The following CIB2 variants were observed in gnomAD, a reference collection of about 807,000 sequenced individuals.
CIB2 encodes calcium and integrin binding family member 2.
In CIB2, 19 loss-of-function variants were observed where a neutral mutation model predicts 23.1. That is an observed-to-expected ratio of 0.82 (90% CI 0.57 to 1.21). The LOEUF is 1.21. CIB2 is among the 50% of genes most tolerant of loss of function. The pLI is 0.00. For missense variants in CIB2, 220 were observed against 241.5 expected, an observed-to-expected ratio of 0.91 and a Z score of 0.59; for synonymous variants, 94 against 91.7, an observed-to-expected ratio of 1.03 and a Z score of -0.14.
intron 1 of CIB2, 132 bp from the exon 2 acceptor site, chr15:78,123,871 C>T (rs979923189): frequency 3.7e-5 from 37 of 1,005,042 alleles, no homozygotes; most frequent in Non-Finnish European, 5.2e-5. Flanking sequence ...CTATCCCTTT[C>T]CACCTTGCCC....
Position 78,109,286 on chromosome 15 carries a change from A to G in CIB2, c.295T>C (p.Cys99Arg). 2 of 1,608,110 alleles carry G rather than the reference A, an allele frequency of 1.2e-6. No homozygotes were observed. The highest frequency in any genetic ancestry group is 2.2e-5 in the South Asian group (2 of 90,928). ...NDFVDMFSVL[C>R]ESAPRELKAN... ...TTGAGCTCTCGGGGAGCCGACTCGC[A>G]GAGCACGGAAAACATGTCCACAAAG... is the stretch of plus-strand genomic sequence containing the variant. Residue 99 changes from cysteine to arginine, a missense_variant, in exon 4 of 6, where the codon TGC (cysteine) becomes CGC (arginine). Coordinates refer to ENST00000258930, the MANE Select transcript of CIB2 (RefSeq NM_006383.4).
rs146233491 is a variant in CIB2 at position 78,121,632 on chromosome 15, C to T, written c.86+2073G>A. 9.8e-4 allele frequency among the ~76,000 whole-genome samples: 150 copies of T among 152,304 alleles called. 1 individual carries two copies. In the East Asian group the frequency reaches 0.023, roughly 23 times the overall value. On this transcript the variant is annotated intron_variant, in intron 2 of 5. Coordinates refer to ENST00000258930, the MANE Select transcript of CIB2 (RefSeq NM_006383.4). Reference sequence around the variant, plus strand: ...GATGGTTTTATAAGGGGCTTCTCCCCCTTTGCCCAGCACTTCTCTTTCCTG... The same window carrying T: ...GATGGTTTTATAAGGGGCTTCTCCCTCTTTGCCCAGCACTTCTCTTTCCTG...
intron 2 of CIB2, chr15:78,120,546 A>G (rs912553304): frequency 1.0e-6 from 1 of 985,308 alleles, no homozygotes; most frequent in Non-Finnish European, 1.2e-6. Context: ...GCACAAGGGA[A>G]GTTGAAGTGC....
intron 4 of CIB2, 22 bp downstream of exon 4, chr15:78,109,213 C>A: frequency 9.1e-7 from 1 of 1,101,782 alleles, no homozygotes; most frequent in South Asian, 1.3e-5. Flanking sequence ...ATATTCAGGC[C>A]CCCTCCTCTA....
chr15:78,105,336 G>A lies in CIB2; in HGVS notation c.543-4C>T. 6.2e-7 allele frequency: 1 copy of A among 1,613,988 alleles called. No individual in the cohort carries two copies. Among genetic ancestry groups the A allele is most frequent in the Non-Finnish European group, 8.5e-7 (1 of 1,179,928 alleles). On this transcript the variant is annotated splice_region_variant and splice_polypyrimidine_tract_variant and intron_variant, in intron 5 of 5. Transcript: ENST00000258930. ...TCAGATCCGGATGTGGAAAGTGCTA[G>A]AAAGAGAGAAAGGGCAAGAGAGGGT...
intron 2 of CIB2, 139 bp from the exon 3 acceptor site, chr15:78,111,415 T>C (rs1317205987): frequency 3.1e-6 from 2 of 646,866 alleles, no homozygotes; most frequent in South Asian, 1.9e-5. Context: ...GGAGGCTCTC[T>C]GCTCTGCCCA....
At chr15:78,111,742 A>T (rs535237227) in intron 2 of CIB2, among the ~76,000 whole-genome samples, 1 of 152,292 alleles carries the variant, frequency 6.6e-6, no homozygotes, top group East Asian at 1.9e-4. Flanking sequence ...TGATTTGTCT[A>T]AGGCCACATA....
intron 2 of CIB2, among the ~76,000 whole-genome samples, chr15:78,113,114 C>T (rs1596352422): frequency 6.6e-6 from 1 of 152,202 alleles, no homozygotes; most frequent in Non-Finnish European, 1.5e-5. Context: ...GCAGTGGGAA[C>T]AGGACTTGAA....
chr15:78,110,142 G>A (rs2074134362), intron 3 of CIB2, among the ~76,000 whole-genome samples: 1 of 152,214 alleles, frequency 6.6e-6, no homozygotes. Flanking sequence ...AGACCACCTT[G>A]GATGCTGCCT....
intron 1 of CIB2, among the ~76,000 whole-genome samples, chr15:78,127,036 T>C (rs2074390493): frequency 6.6e-6 from 1 of 152,168 alleles, no homozygotes; most frequent in African/African-American, 2.4e-5. Flanking sequence ...AGTTTCTGCA[T>C]CTGTAAAGTG....
chr15:78,111,669 T>C (rs1046805578), intron 2 of CIB2, among the ~76,000 whole-genome samples: 4 of 152,222 alleles, frequency 2.6e-5, no homozygotes, highest in Non-Finnish European at 5.9e-5. Context: ...CACATCACTG[T>C]GCAGACAGAT....
At position 78,131,270 on chromosome 15, in the gene CIB2, G is replaced by T; in HGVS notation, c.-55C>A. 2.2e-6 allele frequency: 3 copies of T among 1,341,558 alleles called. No individual in the cohort carries two copies. Among genetic ancestry groups the T allele is most frequent in the South Asian group, 1.7e-5 (1 of 59,664 alleles). 83.1% of individuals were successfully genotyped at this position (1,341,558 alleles called of 1,614,324 possible). ...CGGGCTCCGACTCCCATCAGCGGCC[G>T]CCAGACCCGGAGCCAGCGCCCCGTG... is the stretch of plus-strand genomic sequence containing the variant. On this transcript the variant is annotated 5_prime_UTR_variant, in exon 1 of 6. Coordinates refer to ENST00000258930, the MANE Select transcript of CIB2 (RefSeq NM_006383.4). The surrounding 1 kb of genome is among the most constrained non-coding windows in gnomAD (Gnocchi z 5.8).
At chr15:78,107,516 T>C (rs2074089098) in intron 4 of CIB2, among the ~76,000 whole-genome samples, 2 of 152,212 alleles carry the variant, frequency 1.3e-5, no homozygotes, top group South Asian at 2.1e-4. Context: ...ATGATCATTG[T>C]TGCAAATGAG....
At chr15:78,108,438 G>A (rs1487436250) in intron 4 of CIB2, among the ~76,000 whole-genome samples, 1 of 152,114 alleles carries the variant, frequency 6.6e-6, no homozygotes, top group Non-Finnish European at 1.5e-5. Flanking sequence ...CCAGCAGAGG[G>A]GGTGAGCTCG....
intron 5 of CIB2, 177 bp downstream of exon 5, chr15:78,105,562 C>G (rs1043040334): frequency 1.3e-6 from 2 of 1,483,246 alleles, no homozygotes; most frequent in African/African-American, 1.4e-5. Context: ...TTCAACCTTC[C>G]CCCTGCAGGG....
chr15:78,110,252 C>T (rs1278587983), intron 3 of CIB2, among the ~76,000 whole-genome samples: 1 of 152,242 alleles, frequency 6.6e-6, no homozygotes, highest in Non-Finnish European at 1.5e-5. Flanking sequence ...AGCGCCATTC[C>T]GTGCCCAGCC....
chr15:78,117,324 A>C lies in CIB2; in HGVS notation c.87-6048T>G, dbSNP rs1044729058. 5.5e-5 allele frequency among the ~76,000 whole-genome samples: 8 copies of C among 146,652 alleles called. No homozygotes were observed. In the South Asian group the frequency reaches 1.8e-3, roughly 33 times the overall value. On this transcript the variant is annotated intron_variant, in intron 2 of 5. Transcript: ENST00000258930. ...GGAGTGTTGCAGGGGAACCCTGAAAAAAAAGAGAAACTGGGGAAACATTTT... is the reference window on the plus strand; with the variant it reads ...GGAGTGTTGCAGGGGAACCCTGAAACAAAAGAGAAACTGGGGAAACATTTT...
intron 2 of CIB2, among the ~76,000 whole-genome samples, chr15:78,120,951 C>T (rs75438416): frequency 0.031 from 4,680 of 152,250 alleles, 116 homozygotes; most frequent in Middle Eastern, 0.065. Flanking sequence ...CTCTGGGCTC[C>T]AGGCCTCAGT....
Position 78,105,758 on chromosome 15 carries a change from T to C in CIB2, c.523A>G (p.Lys175Glu), listed in dbSNP as rs200546031. The C allele has an allele frequency of 6.2e-7, 1 of 1,614,060 alleles. No individual in the cohort carries two copies. Among genetic ancestry groups the C allele is most frequent in the Non-Finnish European group, 8.5e-7 (1 of 1,180,034 alleles). ...GFADFEDMIA[K>E]APDFLSTFHI... ...CAGCACCTGAGGAAGTCAGGGGCCT[T>C]GGCAATCATGTCCTCGAAGTCAGCA... The change falls in exon 5 of 6, where the codon AAG becomes GAG. Residue 175 changes from lysine (K) to glutamate (E), a missense_variant. Coordinates refer to ENST00000258930, the MANE Select transcript of CIB2 (RefSeq NM_006383.4).
Sources: gnomAD v4.1 joint callset for allele counts (sites outside exome capture counted in the v4.1 genomes callset) on GRCh38, gnomAD v4.1.1 for gene constraint, Gnocchi (gnomAD v3.1) non-coding constraint, MANE v1.5 for transcripts, NCBI Gene and HGNC (gene_info 2026-07-23, HGNC 2026-07-21) for gene names.